SENP7: variants seen among roughly 807,000 people sequenced by gnomAD.
SENP7 encodes sentrin-specific protease 7.
In SENP7, 64 loss-of-function variants were observed where a neutral mutation model predicts 141.2. That is an observed-to-expected ratio of 0.45 (90% confidence interval 0.37 to 0.56). SENP7 has a LOEUF of 0.56. SENP7 is among the 20% of genes least tolerant of loss of function. SENP7 has a pLI of 0.00. For missense variants in SENP7, 1,025 were observed against 1,212.2 expected (o/e 0.85, Z 2.29); for synonymous variants, 382 against 426.4 (o/e 0.90, Z 1.28).
At chr3:101,434,696 T>C (rs1172939176) in intron 4 of SENP7, among the ~76,000 whole-genome samples, 2 of 152,042 alleles carry the variant, frequency 1.3e-5, no homozygotes, top group East Asian at 3.9e-4. Context: ...TCTGAATACA[T>C]ACAATCTAAC....
chr3:101,464,233 C>T (rs1468724838), intron 3 of SENP7, among the ~76,000 whole-genome samples: 2 of 152,078 alleles, frequency 1.3e-5, no homozygotes, highest in Non-Finnish European at 2.9e-5. Context: ...AAAAAAGAAA[C>T]AAATGGCAAT....
In SENP7 at chr3:101,457,459, T is replaced by C. The variant is rs1224512335; in HGVS notation, c.284+1496A>G. ...AGCTGCTTTGTCTCGGCATGGCCTG[T>C]AATGGTGAAAGTGTTTGCTGCCAGA... is the stretch of plus-strand genomic sequence containing the variant. On this transcript the variant is annotated intron_variant, in intron 4 of 23. Transcript: ENST00000394095. 3.1e-6 allele frequency: 5 copies of C among 1,604,402 alleles called. No homozygotes were observed. The African/African-American group carries it at 5.4e-5, about 17-fold the overall frequency.
At chr3:101,476,081 C>T (rs2064202642) in intron 3 of SENP7, among the ~76,000 whole-genome samples, 1 of 152,036 alleles carries the variant, frequency 6.6e-6, no homozygotes. Context: ...TATGTTAGGC[C>T]ACAAAGGTAA....
intron 4 of SENP7, among the ~76,000 whole-genome samples, chr3:101,418,100 T>A (rs372232358): frequency 5.9e-5 from 9 of 152,202 alleles, no homozygotes; most frequent in African/African-American, 2.2e-4. Context: ...AAGGACAGTG[T>A]TCATTTGCAG....
intron 4 of SENP7, among the ~76,000 whole-genome samples, chr3:101,445,528 A>G (rs979797198): frequency 1.1e-4 from 16 of 152,198 alleles, no homozygotes; most frequent in Admixed American, 3.3e-4. Flanking sequence ...GAGAGCTAAC[A>G]AAATGACAAA....
intron 5 of SENP7, among the ~76,000 whole-genome samples, chr3:101,409,986 G>C (rs944920929): frequency 2.0e-5 from 3 of 152,074 alleles, no homozygotes; most frequent in African/African-American, 7.3e-5. Context: ...ACAGTCAGCA[G>C]AGTAAACGGA....
intron 3 of SENP7, among the ~76,000 whole-genome samples, chr3:101,471,727 G>C (rs2064002072): frequency 6.6e-6 from 1 of 152,118 alleles, no homozygotes; most frequent in Admixed American, 6.6e-5. Context: ...CCTACAGAAT[G>C]GGAGAAAATT....
chr3:101,497,522 A>C (rs970871468), intron 2 of SENP7, among the ~76,000 whole-genome samples: 1 of 152,190 alleles, frequency 6.6e-6, no homozygotes, highest in Non-Finnish European at 1.5e-5. Context: ...TGTTCAAAAA[A>C]AAAAAGATAG....
chr3:101,374,920 C>CA (rs1159640468), intron 6 of SENP7, among the ~76,000 whole-genome samples: 4 of 151,726 alleles, frequency 2.6e-5, no homozygotes, highest in Admixed American at 2.6e-4. Flanking sequence ...AGCTCAACAA[C>CA]AAAAAATAAA....
At chr3:101,397,427 A>G (rs1162221353) in intron 6 of SENP7, among the ~76,000 whole-genome samples, 2 of 152,188 alleles carry the variant, frequency 1.3e-5, no homozygotes, top group African/African-American at 4.8e-5. Context: ...GCCACTTGAT[A>G]GATACATAGG....
intron 5 of SENP7, among the ~76,000 whole-genome samples, chr3:101,409,907 A>C (rs1345573655): frequency 6.6e-6 from 1 of 152,216 alleles, no homozygotes; most frequent in African/African-American, 2.4e-5. Context: ...ACCCAAAACA[A>C]ATGCAATAAA....
intron 6 of SENP7, among the ~76,000 whole-genome samples, chr3:101,397,147 T>G (rs1052956488): frequency 6.6e-6 from 1 of 151,700 alleles, no homozygotes; most frequent in Admixed American, 6.6e-5. Context: ...CCGGCTGTTG[T>G]TTTTGAGACA....
chr3:101,426,977 ACATCCCCAACTCATTCTATGAGGCCAG>A (rs2061982116), intron 4 of SENP7, among the ~76,000 whole-genome samples: 1 of 152,192 alleles, frequency 6.6e-6, no homozygotes, highest in Non-Finnish European at 1.5e-5. Context: ...TAACTAGCTA[ACATCCCCAACTCATTCTATGAGGCCAG>A]CATCATCCTG....
chr3:101,349,779 T>C (rs1432696130), intron 12 of SENP7, among the ~76,000 whole-genome samples: 1 of 152,144 alleles, frequency 6.6e-6, no homozygotes, highest in Non-Finnish European at 1.5e-5. Flanking sequence ...CTGCCCCCAA[T>C]ATATGGTTTA....
intron 10 of SENP7, chr3:101,363,095 T>TC: frequency 1.3e-6 from 1 of 774,808 alleles, no homozygotes. Context: ...TATATCATAC[T>TC]CATTATTTTA....
intron 11 of SENP7, among the ~76,000 whole-genome samples, chr3:101,360,566 A>G (rs55755784): frequency 0.024 from 3,606 of 152,292 alleles, 145 homozygotes; most frequent in African/African-American, 0.082. Context: ...AAACTGCTAT[A>G]AAAAATGCCT....
intron 5 of SENP7, among the ~76,000 whole-genome samples, chr3:101,404,026 A>T (rs533051390): frequency 6.6e-6 from 1 of 152,218 alleles, no homozygotes; most frequent in Non-Finnish European, 1.5e-5. Flanking sequence ...TGCTATTCCT[A>T]TCATACTACC....
chr3:101,491,280 G>A (rs957951386), intron 3 of SENP7, among the ~76,000 whole-genome samples: 3 of 149,134 alleles, frequency 2.0e-5, no homozygotes, highest in Non-Finnish European at 3.0e-5. Flanking sequence ...ACAAGACCAC[G>A]CCTAGCTTAT....
At chr3:101,437,241 A>AG (rs1230160403) in intron 4 of SENP7, among the ~76,000 whole-genome samples, 1 of 152,188 alleles carries the variant, frequency 6.6e-6, no homozygotes, top group Non-Finnish European at 1.5e-5. Flanking sequence ...TAGTGGGCTG[A>AG]GGGGGGCAGG....
Sources: gnomAD v4.1 joint callset for allele counts (sites outside exome capture counted in the v4.1 genomes callset) on GRCh38, gnomAD v4.1.1 for gene constraint, MANE v1.5 for transcripts, NCBI Gene and HGNC (gene_info 2026-07-23, HGNC 2026-07-21) for gene names.